Variants in CTBS observed in about 807,000 individuals in gnomAD.
CTBS encodes the protein chitobiase.
CTBS carries 35 observed loss-of-function variants against 44.3 expected under a neutral mutation model. The ratio of observed to expected loss-of-function variants is 0.79; its 90% confidence interval spans 0.60 to 1.05. The LOEUF (loss-of-function observed/expected upper bound fraction) is 1.05. CTBS is among the 50% of genes least tolerant of loss of function. CTBS has a pLI of 0.00. For synonymous variants in CTBS, 143 were observed against 168.0 expected, an observed-to-expected ratio of 0.85 and a Z score of 1.15; for missense variants, 458 against 475.3, an observed-to-expected ratio of 0.96 and a Z score of 0.34.
intron 1 of CTBS, 151 bp downstream of exon 1, chr1:84,574,088 T>C: frequency 2.7e-6 from 4 of 1,459,706 alleles, no homozygotes; most frequent in Admixed American, 2.7e-5. Flanking sequence ...TCCTCATCTA[T>C]AAATTGAAGG....
intron 6 of CTBS, among the ~76,000 whole-genome samples, chr1:84,557,547 A>AG (rs1684475078): frequency 2.3e-5 from 3 of 132,800 alleles, no homozygotes; most frequent in African/African-American, 1.0e-4. Flanking sequence ...AAAAAAAAAA[A>AG]AAAAAAGAAA....
At chr1:84,572,610 C>T (rs921077568) in intron 1 of CTBS, among the ~76,000 whole-genome samples, 10 of 151,548 alleles carry the variant, frequency 6.6e-5, no homozygotes, top group African/African-American at 2.4e-4. Context: ...TCAAAGTGCC[C>T]ACAGATATTG....
At chr1:84,560,083 CAAA>C (rs751117358) in intron 6 of CTBS, among the ~76,000 whole-genome samples, 8 of 61,350 alleles carry the variant, frequency 1.3e-4, no homozygotes, top group Non-Finnish European at 1.9e-4. Flanking sequence ...GACTCTGTCT[CAAA>C]AAAAAAAAAA....
chr1:84,571,761 G>A (rs1311292572), intron 1 of CTBS, among the ~76,000 whole-genome samples: 1 of 152,202 alleles, frequency 6.6e-6, no homozygotes. Context: ...GGCCACGCCA[G>A]CATATAAAGG....
intron 2 of CTBS, 27 bp from the exon 3 acceptor site, chr1:84,570,166 A>G (rs1184123168): frequency 6.4e-7 from 1 of 1,568,430 alleles, no homozygotes; most frequent in Non-Finnish European, 8.7e-7. Context: ...TATCTTTTGA[A>G]CATGTATGCA....
intron 1 of CTBS, among the ~76,000 whole-genome samples, chr1:84,573,744 A>AT (rs372508411): frequency 1.5e-4 from 23 of 152,150 alleles, no homozygotes; most frequent in South Asian, 6.2e-4. Context: ...ACTGAAAGCT[A>AT]TTTTTTTTAC....
chr1:84,557,775 G>A (rs1684489521), intron 6 of CTBS, among the ~76,000 whole-genome samples: 1 of 146,174 alleles, frequency 6.8e-6, no homozygotes, highest in East Asian at 2.1e-4. Flanking sequence ...GGAGAATGGC[G>A]TGAACCCGGG....
chr1:84,555,853 G>T (rs1205225677), intron 6 of CTBS: 1 of 152,222 alleles, frequency 6.6e-6, no homozygotes, highest in Non-Finnish European at 1.5e-5. Flanking sequence ...AAGTTAAGGG[G>T]AATCAATGCT....
intron 6 of CTBS, among the ~76,000 whole-genome samples, chr1:84,557,748 C>A (rs1684488388): frequency 6.6e-6 from 1 of 150,538 alleles, no homozygotes; most frequent in Non-Finnish European, 1.5e-5. Context: ...GTCCCAGCTA[C>A]TTGGGAGGCT....
chr1:84,555,965 CAGCCAAGTCAAA>C (rs981773775), intron 6 of CTBS: 2 of 152,230 alleles, frequency 1.3e-5, no homozygotes, highest in African/African-American at 4.8e-5. Flanking sequence ...TATGATGAAT[CAGCCAAGTCAAA>C]AGGTAATGGC....
chr1:84,565,888 G>A lies in CTBS; in HGVS notation c.650C>T (p.Ser217Leu). 1 of 1,588,962 alleles carries A rather than the reference G, an allele frequency of 6.3e-7. No individual in the cohort carries two copies. Among genetic ancestry groups the A allele is most frequent in the Non-Finnish European group, 8.6e-7 (1 of 1,169,146 alleles). The change falls in exon 4 of 7, where the codon TCA (serine) becomes TTA (leucine). Residue 217 changes from serine (S) to leucine (L), a missense_variant. Transcript: ENST00000370630. ...AGCATTGGCTGCTGCAATACATTCT[G>A]ACCAGATCTGACTTTGTTCATCATA... is the stretch of plus-strand genomic sequence containing the variant. ...MSYDEQSQIW[S>L]ECIAAANAPY...
intron 1 of CTBS, among the ~76,000 whole-genome samples, chr1:84,572,554 T>C (rs567555853): frequency 6.6e-6 from 1 of 151,976 alleles, no homozygotes; most frequent in Non-Finnish European, 1.5e-5. Context: ...CCATTTACCA[T>C]GAAGATACAA....
In CTBS at chr1:84,570,752, A is replaced by C. The variant is rs190474696; in HGVS notation, c.178-32T>G. 1.4e-4 allele frequency: 219 copies of C among 1,604,682 alleles called. No individual in the cohort carries two copies. The African/African-American group carries it at 2.1e-3, about 15-fold the overall frequency. ...GAACAAAGATGAGCACCATCATTTA[A>C]ACCAAGAATATTATGCTGACCGTCC... On this transcript the variant is annotated intron_variant, in intron 1 of 6. Transcript: ENST00000370630.
intron 6 of CTBS, among the ~76,000 whole-genome samples, chr1:84,561,998 G>A (rs1225687415): frequency 6.6e-6 from 1 of 152,124 alleles, no homozygotes; most frequent in Non-Finnish European, 1.5e-5. Flanking sequence ...TCTAAGGTAT[G>A]CCTGTATATG....
At chr1:84,566,435 C>T (rs1163461433) in intron 3 of CTBS, among the ~76,000 whole-genome samples, 1 of 152,102 alleles carries the variant, frequency 6.6e-6, no homozygotes, top group African/African-American at 2.4e-5. Flanking sequence ...AAATATGTCA[C>T]CTGTTGGCAC....
At chr1:84,560,598 T>A (rs540952886) in intron 6 of CTBS, among the ~76,000 whole-genome samples, 7 of 152,172 alleles carry the variant, frequency 4.6e-5, no homozygotes, top group Non-Finnish European at 8.8e-5. Flanking sequence ...AAATCTTATA[T>A]TGGAAGAAGA....
Position 84,552,850 on chromosome 1 carries a change from T to C in CTBS, c.*2149A>G. The C allele has an allele frequency of 1.9e-6, 1 of 515,160 alleles. No homozygotes were observed. Among genetic ancestry groups the C allele is most frequent in the Non-Finnish European group, 3.4e-6 (1 of 293,212 alleles). 31.9% of individuals were successfully genotyped at this position (515,160 alleles called of 1,614,324 possible). On this transcript the variant is annotated 3_prime_UTR_variant, in exon 7 of 7. Transcript: ENST00000370630. ...AGCATATCTCACCAGTAGATAAGCATGCTTATTAAACAGCATTCATAATCT... is the reference window on the plus strand; with the variant it reads ...AGCATATCTCACCAGTAGATAAGCACGCTTATTAAACAGCATTCATAATCT...
At position 84,550,893 on chromosome 1, in the gene CTBS, T is replaced by C; in HGVS notation, c.*4106A>G. The C allele has an allele frequency of 1.0e-6, 1 of 981,056 alleles. No individual in the cohort carries two copies. The highest frequency in any genetic ancestry group is 1.2e-6 in the Non-Finnish European group (1 of 825,680). 60.8% of individuals were successfully genotyped at this position (981,056 alleles called of 1,614,324 possible). On this transcript the variant is annotated 3_prime_UTR_variant, in exon 7 of 7. Coordinates refer to ENST00000370630, the MANE Select transcript of CTBS (RefSeq NM_004388.3). ...TCTCCTCTGAACTGACATTTAATTTTTTATGGGTAATCGTTTCATTTTTTC... is the reference window on the plus strand; with the variant it reads ...TCTCCTCTGAACTGACATTTAATTTCTTATGGGTAATCGTTTCATTTTTTC...
intron 1 of CTBS, among the ~76,000 whole-genome samples, chr1:84,571,411 CA>C (rs1398958671): frequency 6.6e-6 from 1 of 152,166 alleles, no homozygotes; most frequent in Admixed American, 6.5e-5. Flanking sequence ...CTGGCTACTG[CA>C]GATGGAGCCA....
Sources: allele counts gnomAD v4.1 joint callset (sites outside exome capture counted in the v4.1 genomes callset), GRCh38; gene constraint gnomAD v4.1.1; transcripts MANE v1.5; gene names NCBI Gene and HGNC (gene_info 2026-07-23, HGNC 2026-07-21).